CIAO1: variants seen among roughly 807,000 people sequenced by gnomAD.
The protein encoded by CIAO1 is cytosolic iron-sulfur assembly component 1, also known as probable cytosolic iron-sulfur protein assembly protein CIAO1.
In CIAO1, 32 loss-of-function variants were observed where a neutral mutation model predicts 43.1. The observed-to-expected ratio is 0.74, with a 90% CI of 0.56 to 1.00. The LOEUF (loss-of-function observed/expected upper bound fraction) is 1.00. Ranked by LOEUF, CIAO1 falls within the 50% of genes least tolerant of loss-of-function variation. CIAO1 has a pLI of 0.00. For missense variants in CIAO1, 415 were observed against 437.4 expected, an observed-to-expected ratio of 0.95 and a Z score of 0.46; for synonymous variants, 183 against 171.4, an observed-to-expected ratio of 1.07 and a Z score of -0.53.
Position 96,266,283 on chromosome 2 carries a change from G to A in CIAO1, c.-68G>A. The stretch of plus-strand genomic sequence containing the variant: ...CCTGGAGTGGGCGGTACGCAGACGC[G>A]CGCGGTGAGACCCGCTGTCTGCTCA... On this transcript the variant is annotated 5_prime_UTR_variant, in exon 1 of 7. Transcript: ENST00000488633. The A allele has an allele frequency of 1.5e-6, 2 of 1,298,604 alleles. No homozygotes were observed. The highest frequency in any genetic ancestry group is 2.1e-5 in the South Asian group (1 of 48,054). 80.4% of individuals were successfully genotyped at this position (1,298,604 alleles called of 1,614,324 possible).
At chr2:96,266,550 G>T in intron 1 of CIAO1, 61 bp downstream of exon 1, 1 of 1,341,666 alleles carries the variant, frequency 7.5e-7, no homozygotes. Flanking sequence ...GCGTAGTGCA[G>T]GCGCTCAGCC....
chr2:96,266,990 T>C (rs1573979855), intron 1 of CIAO1, among the ~76,000 whole-genome samples: 1 of 151,806 alleles, frequency 6.6e-6, no homozygotes, highest in African/African-American at 2.4e-5. Context: ...CAAAATTAGC[T>C]GGGCGTTGTG....
Position 96,267,743 on chromosome 2 carries a change from C to G in CIAO1, c.400+7C>G. The G allele has an allele frequency of 6.2e-7, 1 of 1,613,680 alleles. No homozygotes were observed. The highest frequency in any genetic ancestry group is 8.5e-7 in the Non-Finnish European group (1 of 1,179,586). ...AGCGTTTGGGTCTGGGAAGGTGAGG[C>G]CAGGTCCCTCCAGGTGGATTGGGAA... is the stretch of plus-strand genomic sequence containing the variant. On this transcript the variant is annotated splice_region_variant and intron_variant, in intron 3 of 6. Coordinates refer to ENST00000488633, the MANE Select transcript of CIAO1 (RefSeq NM_004804.3).
At chr2:96,270,685 C>A (rs1299735478) in intron 6 of CIAO1, among the ~76,000 whole-genome samples, 1 of 149,898 alleles carries the variant, frequency 6.7e-6, no homozygotes, top group African/African-American at 2.5e-5. Context: ...TGGCACATGC[C>A]TGTAGTCCCA....
Position 96,271,387 on chromosome 2 carries a change from G to T in CIAO1, c.*36G>T. 1.9e-6 allele frequency: 3 copies of T among 1,602,766 alleles called. No homozygotes were observed. The highest frequency in any genetic ancestry group is 2.6e-6 in the Non-Finnish European group (3 of 1,174,028). On this transcript the variant is annotated 3_prime_UTR_variant, in exon 7 of 7. Transcript: ENST00000488633. The stretch of plus-strand genomic sequence containing the variant: ...CTTTGGACAGAGTAATGACTCCCCA[G>T]AAAACGTCATATAAGACTTTACCAG...
Position 96,271,376 on chromosome 2 carries a change from A to G in CIAO1, c.*25A>G, listed in dbSNP as rs377064367. On this transcript the variant is annotated 3_prime_UTR_variant, in exon 7 of 7. Transcript: ENST00000488633. The stretch of plus-strand genomic sequence containing the variant: ...AGCTACCTCGACTTTGGACAGAGTA[A>G]TGACTCCCCAGAAAACGTCATATAA... The G allele has an allele frequency of 3.6e-5, 58 of 1,606,936 alleles. No individual in the cohort carries two copies. The African/African-American group carries it at 6.8e-4, about 19-fold the overall frequency.
At chr2:96,266,854 G>T (rs1684441694) in intron 1 of CIAO1, among the ~76,000 whole-genome samples, 1 of 152,158 alleles carries the variant, frequency 6.6e-6, no homozygotes, top group Non-Finnish European at 1.5e-5. Flanking sequence ...GCCTCCAGAG[G>T]TTGGGCGCGG....
intron 4 of CIAO1, 110 bp from the exon 5 acceptor site, chr2:96,268,347 A>G: frequency 1.0e-6 from 1 of 954,994 alleles, no homozygotes; most frequent in Non-Finnish European, 1.6e-6. Context: ...AGCAAACTTC[A>G]TCTCAAATAA....
intron 6 of CIAO1, 38 bp downstream of exon 6, chr2:96,269,393 A>T: frequency 6.3e-7 from 1 of 1,581,874 alleles, no homozygotes; most frequent in Non-Finnish European, 8.7e-7. Context: ...CATCCCCATA[A>T]ATCAGGGATT....
chr2:96,271,385 C>G lies in CIAO1; in HGVS notation c.*34C>G. 4 of 1,602,686 alleles carry G rather than the reference C, an allele frequency of 2.5e-6. No individual in the cohort carries two copies. Among genetic ancestry groups the G allele is most frequent in the Non-Finnish European group, 3.4e-6 (4 of 1,173,932 alleles). Reference sequence around the variant, plus strand: ...GACTTTGGACAGAGTAATGACTCCCCAGAAAACGTCATATAAGACTTTACC... The same window carrying G: ...GACTTTGGACAGAGTAATGACTCCCGAGAAAACGTCATATAAGACTTTACC... On this transcript the variant is annotated 3_prime_UTR_variant, in exon 7 of 7. Coordinates refer to ENST00000488633, the MANE Select transcript of CIAO1 (RefSeq NM_004804.3).
At position 96,271,394 on chromosome 2, in the gene CIAO1, T is replaced by A; in HGVS notation, c.*43T>A. 6.3e-7 allele frequency: 1 copy of A among 1,599,494 alleles called. No individual in the cohort carries two copies. Among genetic ancestry groups the A allele is most frequent in the Non-Finnish European group, 8.5e-7 (1 of 1,172,736 alleles). ...CAGAGTAATGACTCCCCAGAAAACG[T>A]CATATAAGACTTTACCAGCCCCTGA... On this transcript the variant is annotated 3_prime_UTR_variant, in exon 7 of 7. Coordinates refer to ENST00000488633, the MANE Select transcript of CIAO1 (RefSeq NM_004804.3).
At chr2:96,268,156 C>G (rs2104315959) in intron 4 of CIAO1, among the ~76,000 whole-genome samples, 1 of 152,326 alleles carries the variant, frequency 6.6e-6, no homozygotes, top group African/African-American at 2.4e-5. Context: ...GAGTTCGAGA[C>G]CAGCCTGGCC....
intron 3 of CIAO1, 31 bp from the exon 4 acceptor site, chr2:96,267,805 G>A (rs762233502): frequency 4.3e-6 from 7 of 1,612,460 alleles, no homozygotes; most frequent in South Asian, 2.2e-5. Context: ...TGACAGGGTC[G>A]GCTCTTGGGT....
chr2:96,271,613 T>A lies in CIAO1; in HGVS notation c.*262T>A. 2 of 443,468 alleles carry A rather than the reference T, an allele frequency of 4.5e-6. No individual in the cohort carries two copies. Among genetic ancestry groups the A allele is most frequent in the Non-Finnish European group, 8.2e-6 (2 of 244,218 alleles). The allele number at this position is 443,468 out of a possible 1,614,324, so 27.5% of individuals were successfully genotyped here. On this transcript the variant is annotated 3_prime_UTR_variant, in exon 7 of 7. Transcript: ENST00000488633. Reference sequence around the variant, plus strand: ...GCATTAGGGCACAGTGTTAAATTTTTTGGAGGTAAATATACTATTTATAAT... The same window carrying A: ...GCATTAGGGCACAGTGTTAAATTTTATGGAGGTAAATATACTATTTATAAT...
rs937618471 is a variant in CIAO1 at position 96,274,160 on chromosome 2, GA to G, written c.*2822del. On this transcript the variant is annotated 3_prime_UTR_variant, in exon 7 of 7. Transcript: ENST00000488633. The stretch of plus-strand genomic sequence containing the variant: ...GAAAAATAAATTTGTTATTTAAAAA[GA>G]AAAAAAAAAAAACAAAAACCTGAGT... Among the ~76,000 whole-genome samples, 82 of 116,730 alleles carry G rather than the reference GA, an allele frequency of 7.0e-4. No homozygotes were observed. Among genetic ancestry groups the G allele is most frequent in the East Asian group, 1.2e-3 (5 of 4,172 alleles). The allele number at this position is 116,730 out of a possible 152,430, so 76.6% of individuals were successfully genotyped here. A position where few individuals can be genotyped will look rare whatever the true frequency, so the allele number is the denominator to read the frequency against.
rs1055373630 is a variant in CIAO1 at position 96,267,463 on chromosome 2, C to T, written c.282C>T (p.Asp94=). ...GCATTTGGAAGAAGAACCAGGATGA[C>T]TTTGAGGTACCCAGGCTGGTTGGGA... is the stretch of plus-strand genomic sequence containing the variant. ...TTCIWKKNQD[D]FECVTTLEGH... is the part of the protein sequence containing the mutation. Residue 94 remains aspartate (D), a synonymous_variant, in exon 2 of 7, where the codon GAC becomes GAT. Transcript: ENST00000488633. The T allele has an allele frequency of 6.2e-7, 1 of 1,614,086 alleles. No homozygotes were observed. Among genetic ancestry groups the T allele is most frequent in the East Asian group, 2.2e-5 (1 of 44,882 alleles).
Position 96,271,373 on chromosome 2 carries a change from G to A in CIAO1, c.*22G>A. On this transcript the variant is annotated 3_prime_UTR_variant, in exon 7 of 7. Coordinates refer to ENST00000488633, the MANE Select transcript of CIAO1 (RefSeq NM_004804.3). ...CTGAGCTACCTCGACTTTGGACAGA[G>A]TAATGACTCCCCAGAAAACGTCATA... 1 of 1,607,670 alleles carries A rather than the reference G, an allele frequency of 6.2e-7. No individual in the cohort carries two copies. Among genetic ancestry groups the A allele is most frequent in the Non-Finnish European group, 8.5e-7 (1 of 1,176,230 alleles).
At position 96,268,445 on chromosome 2, in the gene CIAO1, C is replaced by T. The variant is rs772000473; in HGVS notation, c.490-12C>T. 1.9e-6 allele frequency: 3 copies of T among 1,613,754 alleles called. No homozygotes were observed. The highest frequency in any genetic ancestry group is 2.5e-6 in the Non-Finnish European group (3 of 1,179,762). On this transcript the variant is annotated splice_polypyrimidine_tract_variant and intron_variant, in intron 4 of 6. Coordinates refer to ENST00000488633, the MANE Select transcript of CIAO1 (RefSeq NM_004804.3). ...CAGACACATGTTGGGTTTCCTTTCA[C>T]TCTTCCCCCAGCTCTTAGCTTCTGC...
intron 6 of CIAO1, among the ~76,000 whole-genome samples, chr2:96,270,366 G>T (rs1396393099): frequency 2.0e-5 from 3 of 152,074 alleles, no homozygotes; most frequent in African/African-American, 7.2e-5. Context: ...TTAGCTGGGC[G>T]TGTTGGCACG....
Sources: gnomAD v4.1 joint callset for allele counts (sites outside exome capture counted in the v4.1 genomes callset) on GRCh38, gnomAD v4.1.1 for gene constraint, MANE v1.5 for transcripts, NCBI Gene and HGNC (gene_info 2026-07-23, HGNC 2026-07-21) for gene names.